NCKAP5: variants seen among roughly 807,000 people sequenced by gnomAD.
NCKAP5 encodes nck-associated protein 5.
In NCKAP5, 92 loss-of-function variants were observed where a neutral mutation model predicts 167.0. The observed-to-expected ratio is 0.55, with a 90% confidence interval of 0.47 to 0.66. The LOEUF is 0.66. Among genes scored for constraint, NCKAP5 ranks in the 30% least tolerant of loss-of-function variants. NCKAP5 has a pLI of 0.00. For missense variants in NCKAP5, 2,378 were observed against 2,315.0 expected, an observed-to-expected ratio of 1.03 and a Z score of -0.56; for synonymous variants, 891 against 877.4, an observed-to-expected ratio of 1.02 and a Z score of -0.27.
chr2:133,276,507 A>AC (rs2089736660), intron 4 of NCKAP5, among the ~76,000 whole-genome samples: 1 of 152,094 alleles, frequency 6.6e-6, no homozygotes, highest in African/African-American at 2.4e-5. Context: ...TCTTTGGAAA[A>AC]TACATTTACC....
At chr2:132,902,141 C>A (rs1195626505) in intron 8 of NCKAP5, among the ~76,000 whole-genome samples, 1 of 152,168 alleles carries the variant, frequency 6.6e-6, no homozygotes, top group African/African-American at 2.4e-5. Flanking sequence ...AAAGAGAAAT[C>A]TGTATTTAAT....
intron 8 of NCKAP5, among the ~76,000 whole-genome samples, chr2:132,890,737 C>A (rs1337834135): frequency 6.6e-6 from 1 of 152,186 alleles, no homozygotes; most frequent in African/African-American, 2.4e-5. Flanking sequence ...ACCTGGCTGC[C>A]ATAGTGGCCA....
chr2:133,418,208 G>A (rs1322349634), intron 3 of NCKAP5, among the ~76,000 whole-genome samples: 2 of 152,178 alleles, frequency 1.3e-5, no homozygotes, highest in Non-Finnish European at 2.9e-5. Context: ...TTACTTAGCT[G>A]AGACAGGAAT....
chr2:133,399,161 T>C (rs746050515), intron 3 of NCKAP5, among the ~76,000 whole-genome samples: 5 of 152,102 alleles, frequency 3.3e-5, no homozygotes, highest in Non-Finnish European at 7.4e-5. Context: ...TAGGCAGCCC[T>C]GATGAGGTTC....
At chr2:132,839,278 T>C (rs1688121657) in intron 11 of NCKAP5, among the ~76,000 whole-genome samples, 1 of 152,252 alleles carries the variant, frequency 6.6e-6, no homozygotes, top group Non-Finnish European at 1.5e-5. Context: ...CTCATATTAT[T>C]TTGTAATATC....
rs548946676 is a variant in NCKAP5 at position 132,852,799 on chromosome 2, C to T, written c.807+7693G>A. 2.1e-3 allele frequency among the ~76,000 whole-genome samples: 316 copies of T among 152,312 alleles called. 1 individual carries two copies. Among genetic ancestry groups the T allele is most frequent in the African/African-American group, 7.3e-3 (302 of 41,574 alleles). ...TTAGCTGTGACCACACCCTAGAAGG[C>T]TTTCCTGACACCCAGAATAGTGTTT... is the stretch of plus-strand genomic sequence containing the variant. On this transcript the variant is annotated intron_variant, in intron 11 of 19. Coordinates refer to ENST00000409261, the MANE Select transcript of NCKAP5 (RefSeq NM_207363.3).
At chr2:133,201,147 C>G (rs2085667994) in intron 5 of NCKAP5, among the ~76,000 whole-genome samples, 1 of 152,148 alleles carries the variant, frequency 6.6e-6, no homozygotes, top group Admixed American at 6.6e-5. Context: ...GATAACCAGG[C>G]TGGCTACTAA....
chr2:133,358,194 C>CT (rs1684865870), intron 3 of NCKAP5, among the ~76,000 whole-genome samples: 1 of 152,182 alleles, frequency 6.6e-6, no homozygotes, highest in Admixed American at 6.5e-5. Flanking sequence ...ACTCTAGACT[C>CT]TAAGTATTCC....
chr2:133,538,111 C>T (rs1224311425), intron 2 of NCKAP5, among the ~76,000 whole-genome samples: 5 of 152,146 alleles, frequency 3.3e-5, no homozygotes, highest in African/African-American at 4.8e-5. Flanking sequence ...CAAACCATTG[C>T]ACCATAAAGC....
chr2:133,474,707 A>T (rs1364469803), intron 3 of NCKAP5, among the ~76,000 whole-genome samples: 5 of 152,184 alleles, frequency 3.3e-5, no homozygotes, highest in Non-Finnish European at 7.3e-5. Flanking sequence ...TGAATAATAA[A>T]TAAAAGGGCA....
intron 3 of NCKAP5, among the ~76,000 whole-genome samples, chr2:133,382,717 C>G (rs571605121): frequency 3.3e-5 from 5 of 152,262 alleles, no homozygotes; most frequent in Admixed American, 1.3e-4. Flanking sequence ...CATGAATAAG[C>G]ATTTGTTTTC....
rs555030177 is a variant in NCKAP5 at position 133,551,132 on chromosome 2, G to C, written c.-62+7918C>G. On this transcript the variant is annotated intron_variant, in intron 2 of 19. Transcript: ENST00000409261. ...ATGGAAGAACATTCCATGCTCATGG[G>C]TAGGAAGAATCAATATCATGAAATG... Among the ~76,000 whole-genome samples the C allele has an allele frequency of 4.1e-4, 63 of 152,112 alleles. 1 individual carries two copies. The East Asian group carries it at 7.9e-3, about 19-fold the overall frequency.
intron 11 of NCKAP5, among the ~76,000 whole-genome samples, chr2:132,831,497 G>T (rs534652925): frequency 6.6e-6 from 1 of 152,172 alleles, no homozygotes; most frequent in East Asian, 1.9e-4. Flanking sequence ...TCTGTTCATT[G>T]CAACTGTACT....
rs977979125 is a variant in NCKAP5 at position 132,950,876 on chromosome 2, T to G, written c.579+12844A>C. On this transcript the variant is annotated intron_variant, in intron 8 of 19. Coordinates refer to ENST00000409261, the MANE Select transcript of NCKAP5 (RefSeq NM_207363.3). The stretch of plus-strand genomic sequence containing the variant: ...CCAATTTGACTTGGCCCCAGGAACC[T>G]AAGAAGCAAAAAACAAAACAAAGCA... 8.6e-5 allele frequency among the ~76,000 whole-genome samples: 13 copies of G among 151,330 alleles called. No individual in the cohort carries two copies. The South Asian group carries it at 2.3e-3, about 27-fold the overall frequency.
At chr2:132,936,716 C>A (rs937378818) in intron 8 of NCKAP5, among the ~76,000 whole-genome samples, 1 of 152,128 alleles carries the variant, frequency 6.6e-6, no homozygotes, top group East Asian at 1.9e-4. Flanking sequence ...AAGATACACA[C>A]AAATGTGCTT....
intron 2 of NCKAP5, among the ~76,000 whole-genome samples, chr2:133,535,797 C>T (rs1685715496): frequency 6.6e-6 from 1 of 152,122 alleles, no homozygotes; most frequent in Non-Finnish European, 1.5e-5. Context: ...TTTTTGTCAG[C>T]ATCTTTTGAT....
At chr2:133,043,955 T>C (rs1450157867) in intron 6 of NCKAP5, among the ~76,000 whole-genome samples, 1 of 152,068 alleles carries the variant, frequency 6.6e-6, no homozygotes, top group East Asian at 1.9e-4. Flanking sequence ...AAGGTGTAGT[T>C]CCTCACAAAT....
intron 4 of NCKAP5, among the ~76,000 whole-genome samples, chr2:133,261,726 T>C (rs2088916842): frequency 1.3e-5 from 2 of 152,230 alleles, no homozygotes; most frequent in South Asian, 4.1e-4. Context: ...AACTGACCTG[T>C]TTGTATCTCA....
intron 5 of NCKAP5, among the ~76,000 whole-genome samples, chr2:133,211,028 C>A (rs866375458): frequency 8.2e-5 from 11 of 134,636 alleles, no homozygotes; most frequent in Non-Finnish European, 1.6e-4. Flanking sequence ...TTTTCTTTCT[C>A]TTTTACTCTT....
Sources: gnomAD v4.1 joint callset for allele counts (sites outside exome capture counted in the v4.1 genomes callset) on GRCh38, gnomAD v4.1.1 for gene constraint, MANE v1.5 for transcripts, NCBI Gene and HGNC (gene_info 2026-07-23, HGNC 2026-07-21) for gene names.